Variants in GDF1 observed in about 807,000 individuals in gnomAD.
The protein encoded by GDF1 is growth differentiation factor 1.
GDF1 carries 8 observed loss-of-function variants against 7.4 expected under a neutral mutation model. The observed-to-expected ratio is 1.09, with a 90% confidence interval of 0.64 to 1.96. The LOEUF is 1.96. Among genes scored for constraint, GDF1 ranks in the 30% most tolerant of loss-of-function variants. The pLI is 0.00. For missense variants in GDF1, 574 were observed against 551.5 expected (o/e 1.04, Z -0.41); for synonymous variants, 311 against 276.7 (o/e 1.12, Z -1.23).
At position 18,895,320 on chromosome 19, in the gene GDF1, G is replaced by GC. The variant is rs1240075019; in HGVS notation, c.-1074+503dup. Among the ~76,000 whole-genome samples the GC allele has an allele frequency of 1.3e-5, 2 of 152,202 alleles. No homozygotes were observed. The highest frequency in any genetic ancestry group is 6.5e-5 in the Admixed American group (1 of 15,290). The stretch of plus-strand genomic sequence containing the variant: ...AAACGGGCAGCGGACCTCGCTCCGG[G>GC]CCGGGGCGCAGCCCGCATGGCAGGG... On this transcript the variant is annotated intron_variant, in intron 1 of 7. Coordinates refer to ENST00000247005, the MANE Select transcript of GDF1 (RefSeq NM_001492.6). This position sits in a 1 kb window ranked among gnomAD's most constrained non-coding sequence, Gnocchi z 6.4.
rs772809060 is a variant in GDF1 at position 18,870,270 on chromosome 19, A to T, written c.38T>A (p.Leu13His). 5.0e-5 allele frequency: 77 copies of T among 1,545,232 alleles called. No homozygotes were observed. Among genetic ancestry groups the T allele is most frequent in the Middle Eastern group, 2.2e-4 (1 of 4,450 alleles). The change falls in exon 7 of 8, where the codon CTC (leucine) becomes CAC (histidine). Residue 13 changes from leucine (L) to histidine (H), a missense_variant. By Grantham distance (99) the Leu-to-His change is moderately conservative (BLOSUM62 -3). Transcript: ENST00000247005. The surrounding 1 kb of genome is among the most constrained non-coding windows in gnomAD (Gnocchi z 5.1). ...PPQQGPCGHHLLLLLALLLPS... is the reference protein window; with the variant it reads ...PPQQGPCGHHHLLLLALLLPS... ...CAGCAGCAGGGCCAGGAGGAGGAGG[A>T]GGTGGTGGCCGCAGGGACCTTGCTG...
chr19:18,870,723 A>C lies in GDF1; in HGVS notation c.-312-104T>G. On this transcript the variant is annotated intron_variant, in intron 6 of 7. Coordinates refer to ENST00000247005, the MANE Select transcript of GDF1 (RefSeq NM_001492.6). The surrounding 1 kb of genome is among the most constrained non-coding windows in gnomAD (Gnocchi z 5.1). ...CGTTTCACACCCCCTGGCTCCTTTT[A>C]CCCGGCCAGGCCCGGGCCTCGCCTT... is the stretch of plus-strand genomic sequence containing the variant. The C allele has an allele frequency of 2.2e-6, 1 of 456,334 alleles. No individual in the cohort carries two copies. Among genetic ancestry groups the C allele is most frequent in the Non-Finnish European group, 4.0e-6 (1 of 251,686 alleles). The allele number at this position is 456,334 out of a possible 1,614,324, so 28.3% of individuals were successfully genotyped here. A position where few individuals can be genotyped will look rare whatever the true frequency, so the allele number is the denominator to read the frequency against.
chr19:18,884,104 G>C lies in GDF1; in HGVS notation c.-750C>G, dbSNP rs1018525293. The C allele has an allele frequency of 1.2e-6, 2 of 1,613,430 alleles. No homozygotes were observed. Among genetic ancestry groups the C allele is most frequent in the East Asian group, 2.2e-5 (1 of 44,872 alleles). ...GTCCTTACCGGAAGGCGTAGGAGGAGACGATGAGGATGAGAGTGACCACGT... is the reference window on the plus strand; with the variant it reads ...GTCCTTACCGGAAGGCGTAGGAGGACACGATGAGGATGAGAGTGACCACGT... On this transcript the variant is annotated 5_prime_UTR_variant, in exon 3 of 8. Coordinates refer to ENST00000247005, the MANE Select transcript of GDF1 (RefSeq NM_001492.6).
Position 18,869,354 on chromosome 19 carries a change from G to A in GDF1, c.362C>T (p.Ala121Val), listed in dbSNP as rs1476780696. The A allele has an allele frequency of 1.3e-6, 2 of 1,531,924 alleles. No homozygotes were observed. Among genetic ancestry groups the A allele is most frequent in the Admixed American group, 2.0e-5 (1 of 51,102 alleles). 94.9% of individuals were successfully genotyped at this position (1,531,924 alleles called of 1,614,324 possible). The change falls in exon 8 of 8, where the codon GCG becomes GTG. Residue 121 changes from alanine to valine, a missense_variant. Ala to Val is a moderately conservative substitution (Grantham distance 64, BLOSUM62 0). Transcript: ENST00000247005. ...GACTGTCCACTCAGGGCAATGCCCC[G>A]CGGCCGAGGCAGGCTCCGAGGCCCG... ...PTRASEPASA[A>V]GHCPEWTVVF...
intron 2 of GDF1, among the ~76,000 whole-genome samples, chr19:18,892,106 C>G (rs1260453784): frequency 1.3e-5 from 2 of 151,776 alleles, no homozygotes; most frequent in Non-Finnish European, 2.9e-5. Context: ...CCATGTTGGC[C>G]GTGCTAGTCT....
At chr19:18,877,421 A>C (rs2056077821) in intron 6 of GDF1, among the ~76,000 whole-genome samples, 1 of 152,142 alleles carries the variant, frequency 6.6e-6, no homozygotes, top group African/African-American at 2.4e-5. Flanking sequence ...CCACCTTTGG[A>C]AGACTCCTTG....
chr19:18,878,852 TGGG>T lies in GDF1; in HGVS notation c.-313+75_-313+77del. ...GTCGGCCTCATCTGCTGCTGGGTCT[TGGG>T]GGCCTGCCCACGAACACGCTTGGAC... On this transcript the variant is annotated intron_variant, in intron 6 of 7. Transcript: ENST00000247005. This position sits in a 1 kb window ranked among gnomAD's most constrained non-coding sequence, Gnocchi z 4.6. 1 of 1,559,818 alleles carries T rather than the reference TGGG, an allele frequency of 6.4e-7. No individual in the cohort carries two copies.
At chr19:18,872,697 G>GTGTATT (rs1555703131) in intron 6 of GDF1, among the ~76,000 whole-genome samples, 22 of 151,840 alleles carry the variant, frequency 1.4e-4, no homozygotes, top group Non-Finnish European at 3.2e-4. Context: ...TGTATTTTTA[G>GTGTATT]TAGAGATGCG....
At chr19:18,876,536 T>TGTGTGTGTGTGTG (rs1555703706) in intron 6 of GDF1, among the ~76,000 whole-genome samples, 1 of 143,184 alleles carries the variant, frequency 7.0e-6, no homozygotes, top group African/African-American at 2.6e-5. Flanking sequence ...TTTGATTGGG[T>TGTGTGTGTGTGTG]TGTGTGTGTG....
At chr19:18,869,810 G>C (rs1371746743) in intron 7 of GDF1, among the ~76,000 whole-genome samples, 173 bp downstream of exon 7, 1 of 152,062 alleles carries the variant, frequency 6.6e-6, no homozygotes, top group Admixed American at 6.5e-5. Context: ...TGTGTCCCCG[G>C]CGTGCAGCAG....
At chr19:18,886,527 C>A (rs1032134463) in intron 2 of GDF1, among the ~76,000 whole-genome samples, 7 of 152,064 alleles carry the variant, frequency 4.6e-5, no homozygotes, top group African/African-American at 1.7e-4. Flanking sequence ...TGCACTCCAG[C>A]CTGGGAGACA....
Position 18,868,878 on chromosome 19 carries a change from C to A in GDF1, c.838G>T (p.Gly280Cys). The A allele has an allele frequency of 7.0e-7, 1 of 1,434,878 alleles. No individual in the cohort carries two copies. The highest frequency in any genetic ancestry group is 3.2e-5 in the East Asian group (1 of 30,826). The allele number at this position is 1,434,878 out of a possible 1,614,324, so 88.9% of individuals were successfully genotyped here. Residue 280 changes from glycine to cysteine, a missense_variant, in exon 8 of 8, where the codon GGC becomes TGC. Gly to Cys is a radical substitution (Grantham distance 159). Coordinates refer to ENST00000247005, the MANE Select transcript of GDF1 (RefSeq NM_001492.6). ...GGCGCGATGACCCAGCGGTGCCAGC[C>A]CACCTCGCGGAAGCTCACGTACAGC... ...RRLYVSFREV[G>C]WHRWVIAPRG...
Position 18,878,621 on chromosome 19 carries a change from G to T in GDF1, c.-313+309C>A. The T allele has an allele frequency of 8.4e-7, 1 of 1,184,482 alleles. No individual in the cohort carries two copies. Among genetic ancestry groups the T allele is most frequent in the Non-Finnish European group, 1.1e-6 (1 of 947,930 alleles). The allele number at this position is 1,184,482 out of a possible 1,614,324, so 73.4% of individuals were successfully genotyped here. On this transcript the variant is annotated intron_variant, in intron 6 of 7. Coordinates refer to ENST00000247005, the MANE Select transcript of GDF1 (RefSeq NM_001492.6). This position sits in a 1 kb window ranked among gnomAD's most constrained non-coding sequence, Gnocchi z 4.6. ...AGCAACTACTCCTCACCACCCACAG[G>T]GCCCTGGCTCGCCACTCCCGCCACA...
chr19:18,893,840 C>T (rs1426539841), intron 1 of GDF1, among the ~76,000 whole-genome samples: 4 of 150,226 alleles, frequency 2.7e-5, no homozygotes, highest in Non-Finnish European at 5.9e-5. Context: ...CTCTGGGGGC[C>T]AGAAGGGGGA....
intron 6 of GDF1, among the ~76,000 whole-genome samples, chr19:18,874,700 A>T (rs1235418169): frequency 6.6e-6 from 1 of 152,164 alleles, no homozygotes; most frequent in African/African-American, 2.4e-5. Context: ...TGTAGGAGAG[A>T]AGGGTACTGG....
intron 2 of GDF1, among the ~76,000 whole-genome samples, chr19:18,890,223 CT>C (rs1332098361): frequency 1.3e-5 from 2 of 152,352 alleles, no homozygotes; most frequent in South Asian, 2.1e-4. Flanking sequence ...GGGGCCACCC[CT>C]GTCCCTGCTA....
chr19:18,889,345 C>T (rs1274766943), intron 2 of GDF1, among the ~76,000 whole-genome samples: 2 of 152,088 alleles, frequency 1.3e-5, no homozygotes, highest in Admixed American at 1.3e-4. Flanking sequence ...AACAGAGGCC[C>T]CCCAACCGTC....
rs1016383330 is a variant in GDF1, at chr19:18,893,286, C to T, written c.-914+130G>A. The T allele has an allele frequency of 3.6e-5, 36 of 1,004,682 alleles. No individual in the cohort carries two copies. The East Asian group carries it at 9.5e-4, about 26-fold the overall frequency. 62.2% of individuals were successfully genotyped at this position (1,004,682 alleles called of 1,614,324 possible). A position where few individuals can be genotyped will look rare whatever the true frequency, so the allele number is the denominator to read the frequency against. On this transcript the variant is annotated intron_variant, in intron 2 of 7. Coordinates refer to ENST00000247005, the MANE Select transcript of GDF1 (RefSeq NM_001492.6). ...CTGGAGTGCAGTGGCGTGCTCATAG[C>T]TCCCCTTGGCCTCCAACTCCTGGGC...
chr19:18,872,661 G>T (rs536422154), intron 6 of GDF1, among the ~76,000 whole-genome samples: 1 of 145,300 alleles, frequency 6.9e-6, no homozygotes, highest in African/African-American at 2.6e-5. Context: ...GATTACAGGC[G>T]CCTGCCACCA....
Sources: allele counts gnomAD v4.1 joint callset (sites outside exome capture counted in the v4.1 genomes callset), GRCh38; gene constraint gnomAD v4.1.1; non-coding constraint Gnocchi (gnomAD v3.1); transcripts MANE v1.5; gene names NCBI Gene and HGNC (gene_info 2026-07-23, HGNC 2026-07-21).